STK3: variants seen among roughly 807,000 people sequenced by gnomAD.
STK3 encodes the protein serine/threonine-protein kinase 3.
A neutral mutation model predicts 58.0 loss-of-function variants in STK3; 41 were observed. The observed-to-expected ratio is 0.71, with a 90% CI of 0.55 to 0.92. The LOEUF is 0.92. Among genes scored for constraint, STK3 ranks in the 40% least tolerant of loss-of-function variants. STK3 has a pLI of 0.00. For synonymous variants in STK3, 170 were observed against 191.0 expected (o/e 0.89, Z 0.91); for missense variants, 479 against 602.7 (o/e 0.79, Z 2.15).
chr8:98,611,091 A>G (rs906439261), intron 6 of STK3, among the ~76,000 whole-genome samples: 2 of 152,146 alleles, frequency 1.3e-5, no homozygotes, highest in African/African-American at 4.8e-5. Context: ...TTAAAGCTAA[A>G]CAAGCAGAGG....
rs563117406 is a variant in STK3 at position 98,788,526 on chromosome 8, A to C, written c.27-13707T>G. ...AATTCACCAACCATCTGCTGCCTTC[A>C]AGAAACACACCTAACACATAAGGAC... On this transcript the variant is annotated intron_variant, in intron 1 of 10. Transcript: ENST00000419617. Among the ~76,000 whole-genome samples, 228 of 152,286 alleles carry C rather than the reference A, an allele frequency of 1.5e-3. 1 individual carries two copies. Among genetic ancestry groups the C allele is most frequent in the South Asian group, 2.7e-3 (13 of 4,824 alleles).
At chr8:98,618,235 C>A (rs1164822185) in intron 6 of STK3, among the ~76,000 whole-genome samples, 1 of 150,668 alleles carries the variant, frequency 6.6e-6, no homozygotes, top group South Asian at 2.1e-4. Context: ...TCAATAGATG[C>A]AGAAAAAGCC....
At chr8:98,382,123 T>C (rs1445329845) in intron 1 of STK3, among the ~76,000 whole-genome samples, 1 of 152,064 alleles carries the variant, frequency 6.6e-6, no homozygotes, top group Non-Finnish European at 1.5e-5. Context: ...GGGAGCTGAG[T>C]GCAGACTGGG....
At chr8:98,719,599 G>A (rs182078358) in intron 4 of STK3, among the ~76,000 whole-genome samples, 1 of 152,308 alleles carries the variant, frequency 6.6e-6, no homozygotes, top group African/African-American at 2.4e-5. Context: ...TGACTTGAAA[G>A]GGTCATTCCA....
chr8:98,357,736 C>A, the STK3 span, among the ~76,000 whole-genome samples: 1 of 152,222 alleles, frequency 6.6e-6, no homozygotes, highest in Non-Finnish European at 1.5e-5. Flanking sequence ...TTGGCCAAGG[C>A]CCACAGGAGT....
intron 1 of STK3, among the ~76,000 whole-genome samples, chr8:98,817,212 G>A (rs1474373266): frequency 6.6e-6 from 1 of 152,168 alleles, no homozygotes; most frequent in Admixed American, 6.5e-5. Flanking sequence ...CCAGCACTTT[G>A]GGAAGCCGAG....
chr8:98,821,697 C>T (rs1385796381), intron 1 of STK3, among the ~76,000 whole-genome samples: 1 of 151,438 alleles, frequency 6.6e-6, no homozygotes, highest in East Asian at 1.9e-4. Flanking sequence ...AAAAAAAGGA[C>T]TTCTGAAGAC....
intron 6 of STK3, among the ~76,000 whole-genome samples, chr8:98,658,536 T>TTCTCA: frequency 6.6e-6 from 1 of 152,194 alleles, no homozygotes; most frequent in African/African-American, 2.4e-5. Flanking sequence ...TTCTCTTCTC[T>TTCTCA]TCTCAATACT....
chr8:98,697,065 T>C (rs1319795553), intron 6 of STK3, among the ~76,000 whole-genome samples: 2 of 152,242 alleles, frequency 1.3e-5, no homozygotes, highest in Non-Finnish European at 1.5e-5. Context: ...GAGATTCAAC[T>C]TCTTCCTGGT....
intron 1 of STK3, among the ~76,000 whole-genome samples, chr8:98,896,464 A>G (rs928423387): frequency 3.3e-5 from 5 of 152,182 alleles, no homozygotes; most frequent in African/African-American, 4.8e-5. Context: ...TCACTTCCCA[A>G]CACACCCACT....
At chr8:98,581,855 A>G (rs1021109473) in intron 7 of STK3, among the ~76,000 whole-genome samples, 16 of 151,860 alleles carry the variant, frequency 1.1e-4, no homozygotes, top group Non-Finnish European at 1.9e-4. Context: ...CTTGTTTTAT[A>G]TACTTACAAT....
chr8:98,454,777 G>C lies in STK3; in HGVS notation c.*1065C>G, dbSNP rs568851914. On this transcript the variant is annotated 3_prime_UTR_variant, in exon 11 of 11. Transcript: ENST00000419617. ...GCAATCATATAAATGTTCATTCAGC[G>C]TAAAAATGAGTTTCTTTTTAATGGT... The C allele has an allele frequency of 1.3e-5, 2 of 152,352 alleles. No homozygotes were observed. Among genetic ancestry groups the C allele is most frequent in the African/African-American group, 4.8e-5 (2 of 41,392 alleles). 9.4% of individuals were successfully genotyped at this position (152,352 alleles called of 1,614,324 possible).
chr8:98,804,096 G>C (rs1283298448), intron 1 of STK3, among the ~76,000 whole-genome samples: 1 of 152,040 alleles, frequency 6.6e-6, no homozygotes, highest in Non-Finnish European at 1.5e-5. Flanking sequence ...CCGCCTCCCA[G>C]GTTCAAGCAA....
chr8:98,646,890 A>C (rs912252827), intron 6 of STK3, among the ~76,000 whole-genome samples: 5 of 152,110 alleles, frequency 3.3e-5, no homozygotes, highest in Admixed American at 3.3e-4. Context: ...GAGGCCTCCC[A>C]ACTGGCCTCT....
intron 6 of STK3, among the ~76,000 whole-genome samples, chr8:98,688,378 A>G (rs763977034): frequency 6.6e-6 from 1 of 152,176 alleles, no homozygotes; most frequent in Non-Finnish European, 1.5e-5. Context: ...GCAGAAAACT[A>G]ACAAAGAAAT....
At chr8:98,488,348 G>A (rs1822430747) in intron 10 of STK3, among the ~76,000 whole-genome samples, 1 of 152,100 alleles carries the variant, frequency 6.6e-6, no homozygotes, top group Non-Finnish European at 1.5e-5. Context: ...TGTCCTTGAG[G>A]GTGGGATTCA....
At chr8:98,817,015 G>C (rs1834595944) in intron 1 of STK3, among the ~76,000 whole-genome samples, 3 of 152,170 alleles carry the variant, frequency 2.0e-5, no homozygotes, top group Admixed American at 2.0e-4. Flanking sequence ...AGCCATACAT[G>C]TGTTCTGTAC....
At chr8:98,612,480 A>T (rs895331358) in intron 6 of STK3, among the ~76,000 whole-genome samples, 2 of 146,616 alleles carry the variant, frequency 1.4e-5, no homozygotes, top group Middle Eastern at 3.7e-3. Flanking sequence ...GAGAGATTCT[A>T]ATATATATAT....
intron 3 of STK3, among the ~76,000 whole-genome samples, chr8:98,423,643 C>T (rs2131059099): frequency 6.6e-6 from 1 of 152,322 alleles, no homozygotes; most frequent in Middle Eastern, 3.4e-3. Flanking sequence ...GGTGAACTGT[C>T]CAGTCCTTCA....
Sources: gnomAD v4.1 joint callset for allele counts (sites outside exome capture counted in the v4.1 genomes callset) on GRCh38, gnomAD v4.1.1 for gene constraint, MANE v1.5 for transcripts, NCBI Gene and HGNC (gene_info 2026-07-23, HGNC 2026-07-21) for gene names.